DYNC1I1: variants seen among roughly 807,000 people sequenced by gnomAD.
The protein encoded by DYNC1I1 is dynein cytoplasmic 1 intermediate chain 1, also known as cytoplasmic dynein 1 intermediate chain 1.
Under a neutral mutation model 86.6 loss-of-function variants are expected in DYNC1I1, and 43 were observed. The observed-to-expected ratio is 0.50, with a 90% CI of 0.39 to 0.64. DYNC1I1 has a LOEUF of 0.64. Among genes scored for constraint, DYNC1I1 ranks in the 30% least tolerant of loss-of-function variants. The pLI is 0.00. For missense variants in DYNC1I1, 604 were observed against 788.8 expected, an observed-to-expected ratio of 0.77 and a Z score of 2.81; for synonymous variants, 262 against 283.7, an observed-to-expected ratio of 0.92 and a Z score of 0.77.
intron 3 of DYNC1I1, among the ~76,000 whole-genome samples, chr7:95,811,476 C>T (rs1794828541): frequency 6.6e-6 from 1 of 151,740 alleles, no homozygotes; most frequent in African/African-American, 2.4e-5. Context: ...TAAATTATCC[C>T]ATGTAGAACA....
chr7:96,090,824 A>G (rs1490509813), intron 16 of DYNC1I1, among the ~76,000 whole-genome samples: 1 of 152,190 alleles, frequency 6.6e-6, no homozygotes, highest in Non-Finnish European at 1.5e-5. Flanking sequence ...GTTACATACC[A>G]TATATCTTTT....
At position 96,106,192 on chromosome 7, in the gene DYNC1I1, A is replaced by T. The variant is rs550687716; in HGVS notation, c.1543-3787A>T. Among the ~76,000 whole-genome samples the T allele has an allele frequency of 6.6e-5, 10 of 151,954 alleles. No homozygotes were observed. In the South Asian group the frequency reaches 1.7e-3, roughly 25 times the overall value. Reference sequence around the variant, plus strand: ...TTTCCTTCCTGAAGTAGAAACTTAGATCATTGATTTAACACTTTTTTCTAA... The same window carrying T: ...TTTCCTTCCTGAAGTAGAAACTTAGTTCATTGATTTAACACTTTTTTCTAA... On this transcript the variant is annotated intron_variant, in intron 16 of 16. Coordinates refer to the DYNC1I1 transcript ENST00000537881.
At chr7:95,802,979 C>G (rs1356949771) in intron 1 of DYNC1I1, among the ~76,000 whole-genome samples, 1 of 152,112 alleles carries the variant, frequency 6.6e-6, no homozygotes, top group African/African-American at 2.4e-5. Context: ...CAATGCTTCC[C>G]CTGGCATACT....
chr7:96,020,219 A>G (rs1271432397), intron 10 of DYNC1I1, among the ~76,000 whole-genome samples: 11 of 151,964 alleles, frequency 7.2e-5, no homozygotes, highest in Admixed American at 7.2e-4. Context: ...CTGTTTTCAC[A>G]CTGTTGATAA....
chr7:95,993,089 C>T (rs1793771211), intron 9 of DYNC1I1, among the ~76,000 whole-genome samples: 2 of 152,094 alleles, frequency 1.3e-5, no homozygotes, highest in Non-Finnish European at 2.9e-5. Flanking sequence ...CTTCGAACAA[C>T]ACTTAAGATT....
At chr7:95,829,868 T>G (rs1205694626) in intron 5 of DYNC1I1, among the ~76,000 whole-genome samples, 1 of 152,118 alleles carries the variant, frequency 6.6e-6, no homozygotes, top group Non-Finnish European at 1.5e-5. Flanking sequence ...TATTTATTTA[T>G]TATTCATTTT....
chr7:95,942,609 T>C (rs1584184408), intron 6 of DYNC1I1, among the ~76,000 whole-genome samples: 1 of 152,136 alleles, frequency 6.6e-6, no homozygotes, highest in African/African-American at 2.4e-5. Flanking sequence ...TGAACATTGA[T>C]GCAAAAATCC....
At chr7:95,803,883 A>G (rs1237658830) in intron 1 of DYNC1I1, among the ~76,000 whole-genome samples, 1 of 152,146 alleles carries the variant, frequency 6.6e-6, no homozygotes, top group Non-Finnish European at 1.5e-5. Context: ...TCTTCTTCAA[A>G]CTGATTTTAT....
intron 14 of DYNC1I1, among the ~76,000 whole-genome samples, chr7:96,072,709 A>G (rs1790206158): frequency 6.6e-6 from 1 of 152,220 alleles, no homozygotes; most frequent in South Asian, 2.1e-4. Context: ...GTGGATCCAG[A>G]AATTTATGTC....
chr7:96,010,688 T>C (rs2115845744), intron 10 of DYNC1I1, among the ~76,000 whole-genome samples: 1 of 152,324 alleles, frequency 6.6e-6, no homozygotes, highest in South Asian at 2.1e-4. Context: ...TCTGTTAATG[T>C]CATTAGGTTA....
At chr7:95,793,669 A>ATT (rs1029898677) in intron 1 of DYNC1I1, among the ~76,000 whole-genome samples, 5 of 152,184 alleles carry the variant, frequency 3.3e-5, no homozygotes, top group African/African-American at 1.2e-4. Context: ...TTTGAACTCT[A>ATT]TTTTAACCAA....
intron 6 of DYNC1I1, among the ~76,000 whole-genome samples, chr7:95,897,740 T>TTTA (rs2116295637): frequency 6.6e-6 from 1 of 151,802 alleles, no homozygotes; most frequent in South Asian, 2.1e-4. Flanking sequence ...TGAGTTGATT[T>TTTA]TTTTTTTTTG....
At chr7:96,061,518 C>T (rs151266447) in intron 14 of DYNC1I1, among the ~76,000 whole-genome samples, 27 of 152,102 alleles carry the variant, frequency 1.8e-4, no homozygotes, top group African/African-American at 6.3e-4. Flanking sequence ...GAATAAAGGG[C>T]ATTAGGAGGC....
chr7:96,049,719 A>G (rs920569249), intron 14 of DYNC1I1, among the ~76,000 whole-genome samples: 7 of 152,162 alleles, frequency 4.6e-5, no homozygotes, highest in African/African-American at 1.4e-4. Context: ...AGTCTGCAAT[A>G]TAATACTTTG....
At chr7:95,824,051 CATG>C (rs1487248554) in intron 4 of DYNC1I1, among the ~76,000 whole-genome samples, 2 of 139,190 alleles carry the variant, frequency 1.4e-5, no homozygotes, top group African/African-American at 2.7e-5. Context: ...AGTGCAGTGG[CATG>C]ATCTCAGCTC....
At position 95,984,987 on chromosome 7, in the gene DYNC1I1, T is replaced by C; in HGVS notation, c.743+10T>C. On this transcript the variant is annotated intron_variant, in intron 8 of 16. Coordinates refer to ENST00000447467, the MANE Select transcript of DYNC1I1 (RefSeq NM_001135556.2). ...TAGAGGAAAAAGATGGGTTAGTCTC[T>C]TGTGTGCATTCTTTAAAAAATAGCG... 6.2e-7 allele frequency: 1 copy of C among 1,607,990 alleles called. No homozygotes were observed.
chr7:95,786,844 C>T (rs543663094), intron 1 of DYNC1I1, among the ~76,000 whole-genome samples: 6 of 145,108 alleles, frequency 4.1e-5, no homozygotes, highest in African/African-American at 1.2e-4. Flanking sequence ...GGGAGAAATG[C>T]GCTCTGATCT....
intron 16 of DYNC1I1, among the ~76,000 whole-genome samples, chr7:96,081,326 AAAG>A (rs1347781577): frequency 6.6e-6 from 1 of 151,750 alleles, no homozygotes; most frequent in African/African-American, 2.4e-5. Context: ...GGCATGTAAA[AAAG>A]GAAAAAAAAA....
intron 5 of DYNC1I1, among the ~76,000 whole-genome samples, chr7:95,869,126 A>T (rs1042012946): frequency 6.6e-6 from 1 of 152,206 alleles, no homozygotes; most frequent in Non-Finnish European, 1.5e-5. Flanking sequence ...CATCTGTAAA[A>T]TGGAGATTAT....
Sources: gnomAD v4.1 joint callset for allele counts (sites outside exome capture counted in the v4.1 genomes callset) on GRCh38, gnomAD v4.1.1 for gene constraint, MANE v1.5 for transcripts, NCBI Gene and HGNC (gene_info 2026-07-23, HGNC 2026-07-21) for gene names.